Variants in PCCA observed in about 807,000 individuals in gnomAD.
The protein encoded by PCCA is propionyl-CoA carboxylase subunit alpha.
Under a neutral mutation model 101.3 loss-of-function variants are expected in PCCA, and 74 were observed. The observed-to-expected ratio is 0.73, with a 90% CI of 0.61 to 0.89. PCCA has a LOEUF of 0.89. PCCA is among the 40% of genes least tolerant of loss of function. The pLI, the probability that PCCA is intolerant of heterozygous loss-of-function variation, is 0.00. For synonymous variants in PCCA, 294 were observed against 313.6 expected (o/e 0.94, Z 0.66); for missense variants, 891 against 907.0 (o/e 0.98, Z 0.23).
At chr13:100,269,716 G>T (rs2063177150) in intron 11 of PCCA, among the ~76,000 whole-genome samples, 1 of 152,158 alleles carries the variant, frequency 6.6e-6, no homozygotes, top group Non-Finnish European at 1.5e-5. Flanking sequence ...AGCAGAGCTA[G>T]CATATCTTGA....
Position 100,232,351 on chromosome 13 carries a change from C to CGTGTGTGTGTGTGTGTGT in PCCA, c.601-3467_601-3450dup, listed in dbSNP as rs375554722. On this transcript the variant is annotated intron_variant, in intron 7 of 23. Coordinates refer to ENST00000376285, the MANE Select transcript of PCCA (RefSeq NM_000282.4). Reference sequence around the variant, plus strand: ...TTATGTTTATGTGTGTGTGTGTATGCGTGTGTGTGTGTGTGTGTGTGTGTG... The same window carrying CGTGTGTGTGTGTGTGTGT: ...TTATGTTTATGTGTGTGTGTGTATGCGTGTGTGTGTGTGTGTGTGTGTGTGTGTGTGTGTGTGTGTGTG... 5.2e-4 allele frequency among the ~76,000 whole-genome samples: 68 copies of CGTGTGTGTGTGTGTGTGT among 131,262 alleles called. 1 individual carries two copies. The highest frequency in any genetic ancestry group is 7.2e-4 in the Non-Finnish European group (44 of 61,520). The allele number at this position is 131,262 out of a possible 152,430, so 86.1% of individuals were successfully genotyped here.
chr13:100,468,277 A>C (rs568499681), intron 21 of PCCA, among the ~76,000 whole-genome samples: 1 of 152,194 alleles, frequency 6.6e-6, no homozygotes, highest in South Asian at 2.1e-4. Context: ...GGGCCCTGGG[A>C]TTTTCAGAAT....
chr13:100,232,334 A>ATGTGTG (rs749169180), intron 7 of PCCA, among the ~76,000 whole-genome samples: 1 of 108,932 alleles, frequency 9.2e-6, no homozygotes, highest in East Asian at 2.8e-4. Context: ...GTTTATGTTT[A>ATGTGTG]TGTGTGTGTG....
intron 16 of PCCA, among the ~76,000 whole-genome samples, chr13:100,322,152 T>C (rs76243509): frequency 6.6e-6 from 1 of 152,146 alleles, no homozygotes; most frequent in Non-Finnish European, 1.5e-5. Context: ...CATTCAAAGA[T>C]ACACACACCC....
chr13:100,228,723 C>T (rs1272817842), intron 7 of PCCA, among the ~76,000 whole-genome samples: 1 of 151,192 alleles, frequency 6.6e-6, no homozygotes, highest in Admixed American at 6.6e-5. Context: ...ATGGTGAAAC[C>T]CCATCTCTAC....
Position 100,328,102 on chromosome 13 carries a change from C to T in PCCA, c.1430-2459C>T, listed in dbSNP as rs535600572. ...CTGGGTGGCCGGGTGCAGTGGCTCA[C>T]GCCTGTAATCCTAGCACTTCGGGAG... On this transcript the variant is annotated intron_variant, in intron 16 of 23. Coordinates refer to ENST00000376285, the MANE Select transcript of PCCA (RefSeq NM_000282.4). Among the ~76,000 whole-genome samples, 9 of 152,208 alleles carry T rather than the reference C, an allele frequency of 5.9e-5. No homozygotes were observed. In the South Asian group the frequency reaches 1.7e-3, roughly 28 times the overall value.
At chr13:100,108,806 T>C (rs932103878) in intron 2 of PCCA, among the ~76,000 whole-genome samples, 3 of 152,258 alleles carry the variant, frequency 2.0e-5, no homozygotes, top group African/African-American at 7.2e-5. Context: ...GAAGAATATA[T>C]AGGAGACCAG....
intron 21 of PCCA, among the ~76,000 whole-genome samples, chr13:100,468,624 T>A (rs2082721048): frequency 6.6e-6 from 1 of 152,196 alleles, no homozygotes; most frequent in Non-Finnish European, 1.5e-5. Context: ...TTTTGCAGCT[T>A]CCTCGCCTCT....
At position 100,409,663 on chromosome 13, in the gene PCCA, A is replaced by T. The variant is rs147664284; in HGVS notation, c.1747-15970A>T. ...ATCGGAACACCTCCCACTGGTCCCT[A>T]CCTCCAGCAGTGGAGATTACAGTTC... On this transcript the variant is annotated intron_variant, in intron 19 of 23. Coordinates refer to ENST00000376285, the MANE Select transcript of PCCA (RefSeq NM_000282.4). Among the ~76,000 whole-genome samples the T allele has an allele frequency of 9.5e-3, 1,451 of 152,172 alleles. 16 individuals carry two copies. Among genetic ancestry groups the T allele is most frequent in the Middle Eastern group, 0.017 (5 of 294 alleles).
chr13:100,251,908 G>A (rs2061774948), intron 8 of PCCA, among the ~76,000 whole-genome samples: 1 of 152,136 alleles, frequency 6.6e-6, no homozygotes, highest in Admixed American at 6.5e-5. Flanking sequence ...ACCACCCTGG[G>A]TTCTTCAGAA....
In PCCA at chr13:100,488,401, T is replaced by A. The variant is rs190670081; in HGVS notation, c.1900-27026T>A. Among the ~76,000 whole-genome samples the A allele has an allele frequency of 5.4e-4, 82 of 152,314 alleles. 1 individual carries two copies. The highest frequency in any genetic ancestry group is 1.9e-3 in the African/African-American group (77 of 41,576). On this transcript the variant is annotated intron_variant, in intron 21 of 23. Coordinates refer to ENST00000376285, the MANE Select transcript of PCCA (RefSeq NM_000282.4). ...GAGCCGGCCGACCCTATATATTTTT[T>A]AAAAGCTTTTAAGAAACACAGTAAT...
At chr13:100,480,396 A>G (rs756488635) in intron 21 of PCCA, 2 of 152,182 alleles carry the variant, frequency 1.3e-5, no homozygotes, top group Admixed American at 6.5e-5. Context: ...ACGTTCAGAC[A>G]CAGGGACTCC....
chr13:100,241,968 C>G (rs1829150700), intron 8 of PCCA, among the ~76,000 whole-genome samples: 1 of 152,136 alleles, frequency 6.6e-6, no homozygotes, highest in African/African-American at 2.4e-5. Context: ...AAATTATTTT[C>G]CATGGTGGCT....
chr13:100,117,039 T>C (rs1403733209), intron 4 of PCCA, among the ~76,000 whole-genome samples: 1 of 152,158 alleles, frequency 6.6e-6, no homozygotes, highest in Non-Finnish European at 1.5e-5. Context: ...TCCTTCATGG[T>C]TGTATCATAT....
At chr13:100,425,558 TTGTA>T (rs1162920501) in intron 19 of PCCA, 71 bp from the exon 20 acceptor site, 1 of 992,492 alleles carries the variant, frequency 1.0e-6, no homozygotes. Context: ...GGCTGCTGCT[TTGTA>T]TGCAGCAATG....
At chr13:100,220,401 A>G (rs2059753983) in intron 7 of PCCA, among the ~76,000 whole-genome samples, 1 of 148,422 alleles carries the variant, frequency 6.7e-6, no homozygotes, top group African/African-American at 2.5e-5. Flanking sequence ...CTGGGACCAC[A>G]TGTCTGAGCC....
intron 21 of PCCA, among the ~76,000 whole-genome samples, chr13:100,505,898 T>G (rs937631135): frequency 2.0e-5 from 3 of 146,400 alleles, no homozygotes; most frequent in Non-Finnish European, 4.5e-5. Flanking sequence ...TCTTTCATTC[T>G]GAACAACCAG....
intron 4 of PCCA, among the ~76,000 whole-genome samples, chr13:100,113,124 A>G (rs1376293186): frequency 2.0e-5 from 3 of 152,230 alleles, no homozygotes; most frequent in Non-Finnish European, 4.4e-5. Context: ...TGACCATCAC[A>G]GAATGTACTT....
intron 8 of PCCA, among the ~76,000 whole-genome samples, chr13:100,246,613 C>T (rs9585389): frequency 0.11 from 16,609 of 151,950 alleles, 1,016 homozygotes; most frequent in Non-Finnish European, 0.13. Context: ...CAAGTGTGAG[C>T]CACCATGCCA....
Sources: allele counts gnomAD v4.1 joint callset (sites outside exome capture counted in the v4.1 genomes callset), GRCh38; gene constraint gnomAD v4.1.1; transcripts MANE v1.5; gene names NCBI Gene and HGNC (gene_info 2026-07-23, HGNC 2026-07-21).